EFCAB13: variants seen among roughly 807,000 people sequenced by gnomAD.
The protein encoded by EFCAB13 is EF-hand calcium-binding domain-containing protein 13.
A neutral mutation model predicts 110.2 loss-of-function variants in EFCAB13; 91 were observed. The ratio of observed to expected loss-of-function variants is 0.83; its 90% CI spans 0.70 to 0.98. The LOEUF is 0.98. Among genes scored for constraint, EFCAB13 ranks in the 50% least tolerant of loss-of-function variants. The probability of loss-of-function intolerance (pLI) is 0.00; values close to 1 mark genes in which losing one functional copy is unlikely to be tolerated. For synonymous variants in EFCAB13, 323 were observed against 369.9 expected (o/e 0.87, Z 1.45); for missense variants, 968 against 1,119.4 (o/e 0.86, Z 1.93).
Position 47,328,296 on chromosome 17 carries a change from A to G in EFCAB13, c.-58A>G, listed in dbSNP as rs769902569. The G allele has an allele frequency of 7.0e-7, 1 of 1,437,768 alleles. No individual in the cohort carries two copies. The highest frequency in any genetic ancestry group is 1.4e-5 in the African/African-American group (1 of 71,228). 89.1% of individuals were successfully genotyped at this position (1,437,768 alleles called of 1,614,324 possible). A position where few individuals can be genotyped will look rare whatever the true frequency, so the allele number is the denominator to read the frequency against. ...AATCCTTTTGTACTATTGCTCATTC[A>G]TACTTGTTCATCAAAGCCTGGAGTC... On this transcript the variant is annotated 5_prime_UTR_variant, in exon 4 of 25. Transcript: ENST00000331493.
intron 9 of EFCAB13, among the ~76,000 whole-genome samples, chr17:47,359,103 CGG>C (rs1238818975): frequency 1.3e-5 from 2 of 152,028 alleles, no homozygotes; most frequent in Non-Finnish European, 2.9e-5. Context: ...GAGGCCAAGG[CGG>C]GTGGATCACT....
At chr17:47,339,059 C>T (rs2065368765) in intron 5 of EFCAB13, among the ~76,000 whole-genome samples, 1 of 151,896 alleles carries the variant, frequency 6.6e-6, no homozygotes, top group South Asian at 2.1e-4. Context: ...AAGGGAGTGG[C>T]ATGAATTATA....
chr17:47,346,524 G>A (rs1376512039), intron 8 of EFCAB13, among the ~76,000 whole-genome samples: 1 of 147,934 alleles, frequency 6.8e-6, no homozygotes, highest in Non-Finnish European at 1.5e-5. Context: ...GTACTGCAGT[G>A]AACAGGGGAG....
At chr17:47,397,589 T>G (rs1221786176) in intron 17 of EFCAB13, among the ~76,000 whole-genome samples, 1 of 140,098 alleles carries the variant, frequency 7.1e-6, no homozygotes, top group Admixed American at 7.0e-5. Flanking sequence ...CCGGCCGCCA[T>G]CCTATCTAGG....
intron 6 of EFCAB13, 103 bp downstream of exon 6, chr17:47,342,135 T>C: frequency 1.6e-6 from 1 of 642,244 alleles, no homozygotes. Flanking sequence ...TGTCACAGTC[T>C]TAAATATCAC....
intron 17 of EFCAB13, among the ~76,000 whole-genome samples, chr17:47,399,243 A>C (rs1270002124): frequency 1.3e-5 from 2 of 152,230 alleles, no homozygotes; most frequent in East Asian, 3.8e-4. Flanking sequence ...CTTATGAAGC[A>C]AAAGACAGTA....
intron 4 of EFCAB13, chr17:47,329,079 G>A (rs1404649715): frequency 6.6e-6 from 1 of 152,124 alleles, no homozygotes; most frequent in East Asian, 1.9e-4. Flanking sequence ...GATTAGATAA[G>A]TAGATTGGAG....
chr17:47,434,863 A>G (rs938159358), intron 24 of EFCAB13, among the ~76,000 whole-genome samples: 1 of 152,138 alleles, frequency 6.6e-6, no homozygotes, highest in Non-Finnish European at 1.5e-5. Context: ...CTGTATCCTC[A>G]TCACTCACCT....
At chr17:47,364,505 G>A (rs1306410394) in intron 10 of EFCAB13, among the ~76,000 whole-genome samples, 1 of 152,052 alleles carries the variant, frequency 6.6e-6, no homozygotes, top group Non-Finnish European at 1.5e-5. Context: ...TAGAGACAGG[G>A]TTTCACCATG....
chr17:47,438,793 A>C (rs1299876664), intron 24 of EFCAB13, among the ~76,000 whole-genome samples: 3 of 152,072 alleles, frequency 2.0e-5, no homozygotes, highest in Admixed American at 2.0e-4. Context: ...TTTTTCAGGT[A>C]AATCAGGGAT....
At chr17:47,339,378 T>C (rs1430577878) in intron 5 of EFCAB13, among the ~76,000 whole-genome samples, 1 of 151,986 alleles carries the variant, frequency 6.6e-6, no homozygotes, top group Non-Finnish European at 1.5e-5. Flanking sequence ...GCAGGGGTGG[T>C]TTCTGGATGA....
intron 9 of EFCAB13, among the ~76,000 whole-genome samples, chr17:47,352,870 G>A (rs1326324813): frequency 6.6e-6 from 1 of 152,036 alleles, no homozygotes; most frequent in Non-Finnish European, 1.5e-5. Context: ...CTTCTTGATT[G>A]GTTCTCAGCT....
chr17:47,436,617 T>G (rs894872268), intron 24 of EFCAB13, among the ~76,000 whole-genome samples: 2 of 152,138 alleles, frequency 1.3e-5, no homozygotes, highest in African/African-American at 4.8e-5. Flanking sequence ...AGTTGTAATA[T>G]CTCCTGTTTT....
At chr17:47,393,717 A>AAAAT (rs142944677) in intron 15 of EFCAB13, among the ~76,000 whole-genome samples, 21,406 of 142,086 alleles carry the variant, frequency 0.15, 1,810 homozygotes, top group African/African-American at 0.22. Context: ...CTCTTTCTCA[A>AAAAT]AAATAAATAA....
chr17:47,344,390 T>C, intron 7 of EFCAB13, 98 bp downstream of exon 7: 2 of 1,369,802 alleles, frequency 1.5e-6, no homozygotes, highest in Non-Finnish European at 2.0e-6. Context: ...GAATATGAAG[T>C]AGTTTATGCT....
intron 20 of EFCAB13, among the ~76,000 whole-genome samples, chr17:47,405,272 T>C (rs1432533955): frequency 1.3e-5 from 2 of 152,208 alleles, no homozygotes; most frequent in Non-Finnish European, 2.9e-5. Flanking sequence ...AGTATCCTTG[T>C]ACATATATCT....
chr17:47,372,467 A>G (rs938236373), intron 11 of EFCAB13, among the ~76,000 whole-genome samples: 2 of 152,156 alleles, frequency 1.3e-5, no homozygotes, highest in Admixed American at 1.3e-4. Flanking sequence ...CCTTCATACT[A>G]TGTAAGTGAA....
intron 9 of EFCAB13, among the ~76,000 whole-genome samples, chr17:47,360,397 T>G: frequency 6.6e-6 from 1 of 152,216 alleles, no homozygotes; most frequent in East Asian, 1.9e-4. Context: ...CATTTTTTCA[T>G]GTGTCTTTTG....
chr17:47,367,940 G>A lies in EFCAB13; in HGVS notation c.806-2497G>A, dbSNP rs145876043. Among the ~76,000 whole-genome samples the A allele has an allele frequency of 2.4e-3, 364 of 152,184 alleles. 1 individual carries two copies. Among genetic ancestry groups the A allele is most frequent in the Non-Finnish European group, 4.0e-3 (274 of 67,994 alleles). On this transcript the variant is annotated intron_variant, in intron 10 of 24. Coordinates refer to ENST00000331493, the MANE Select transcript of EFCAB13 (RefSeq NM_152347.5). ...AGCTGGTGGGCAGGGGACTAGACTCGTTGCATATCCAAAGGGGATGTATGA... is the reference window on the plus strand; with the variant it reads ...AGCTGGTGGGCAGGGGACTAGACTCATTGCATATCCAAAGGGGATGTATGA...
Sources: allele counts gnomAD v4.1 joint callset (sites outside exome capture counted in the v4.1 genomes callset), GRCh38; gene constraint gnomAD v4.1.1; transcripts MANE v1.5; gene names NCBI Gene and HGNC (gene_info 2026-07-23, HGNC 2026-07-21).